The following SMYD3 variants were observed in gnomAD, a reference collection of about 807,000 sequenced individuals.
The protein encoded by SMYD3 is SET and MYND domain containing 3, also known as histone-lysine N-methyltransferase SMYD3.
Under a neutral mutation model 57.7 loss-of-function variants are expected in SMYD3, and 36 were observed. The ratio of observed to expected loss-of-function variants is 0.62; its 90% CI spans 0.48 to 0.82. The LOEUF (loss-of-function observed/expected upper bound fraction) is 0.82. Among genes scored for constraint, SMYD3 ranks in the 40% least tolerant of loss-of-function variants. The pLI, the probability that SMYD3 is intolerant of heterozygous loss-of-function variation, is 0.00. For missense variants in SMYD3, 515 were observed against 538.8 expected (o/e 0.96, Z 0.44); for synonymous variants, 211 against 195.0 (o/e 1.08, Z -0.68).
At chr1:246,129,553 C>A (rs887537244) in intron 5 of SMYD3, among the ~76,000 whole-genome samples, 2 of 152,174 alleles carry the variant, frequency 1.3e-5, no homozygotes, top group Admixed American at 1.3e-4. Flanking sequence ...CTCCTGGCAT[C>A]TTCTGCTGCA....
At chr1:245,791,908 A>T (rs2047287034) in intron 10 of SMYD3, among the ~76,000 whole-genome samples, 1 of 151,494 alleles carries the variant, frequency 6.6e-6, no homozygotes, top group Non-Finnish European at 1.5e-5. Flanking sequence ...CATGCCAATG[A>T]CAGACCATCT....
intron 5 of SMYD3, among the ~76,000 whole-genome samples, chr1:246,165,282 T>C (rs1271130570): frequency 6.6e-6 from 1 of 152,160 alleles, no homozygotes; most frequent in African/African-American, 2.4e-5. Flanking sequence ...CAGTTGTAAT[T>C]GTGAAAGGAG....
chr1:246,316,670 C>T (rs565599052), intron 5 of SMYD3, among the ~76,000 whole-genome samples: 60 of 145,170 alleles, frequency 4.1e-4, no homozygotes, highest in Admixed American at 1.0e-3. Context: ...CGTGAGCCAC[C>T]GTGGCTGGCC....
At chr1:246,329,140 A>G (rs901900556) in intron 4 of SMYD3, among the ~76,000 whole-genome samples, 8 of 152,180 alleles carry the variant, frequency 5.3e-5, no homozygotes, top group Admixed American at 1.3e-4. Flanking sequence ...GAATAGTGCC[A>G]CAATAAACAT....
chr1:246,232,316 C>T (rs910102040), intron 5 of SMYD3, among the ~76,000 whole-genome samples: 1 of 152,154 alleles, frequency 6.6e-6, no homozygotes, highest in African/African-American at 2.4e-5. Flanking sequence ...TAAAATAAAG[C>T]CCTGTAGTCC....
chr1:246,110,986 C>G (rs896015005), intron 5 of SMYD3, among the ~76,000 whole-genome samples: 7 of 152,088 alleles, frequency 4.6e-5, no homozygotes, highest in African/African-American at 1.7e-4. Context: ...CTTTCATTGT[C>G]CATAAGATAA....
At chr1:245,769,071 T>C (rs1205661196) in intron 10 of SMYD3, among the ~76,000 whole-genome samples, 1 of 152,238 alleles carries the variant, frequency 6.6e-6, no homozygotes, top group East Asian at 1.9e-4. Context: ...GCTCCAGTTG[T>C]ATGAATTTTA....
At chr1:246,102,770 T>C (rs1167753624) in intron 5 of SMYD3, among the ~76,000 whole-genome samples, 3 of 151,664 alleles carry the variant, frequency 2.0e-5, no homozygotes, top group Non-Finnish European at 4.4e-5. Flanking sequence ...ATAATAATAA[T>C]AATCCTACCT....
At chr1:246,100,996 C>T (rs533126800) in intron 5 of SMYD3, among the ~76,000 whole-genome samples, 1 of 149,880 alleles carries the variant, frequency 6.7e-6, no homozygotes, top group African/African-American at 2.4e-5. Flanking sequence ...TCAGTATCTT[C>T]CAGAAACTAG....
chr1:246,430,204 C>T (rs183296758), intron 1 of SMYD3, among the ~76,000 whole-genome samples: 84 of 152,164 alleles, frequency 5.5e-4, no homozygotes, highest in African/African-American at 1.4e-3. Context: ...ATACAAGAAA[C>T]GGAATGAAGT....
intron 5 of SMYD3, among the ~76,000 whole-genome samples, chr1:246,227,484 G>A (rs533487186): frequency 3.0e-4 from 45 of 152,168 alleles, no homozygotes; most frequent in African/African-American, 1.0e-3. Context: ...GTGTGGTGGC[G>A]GGCGCCTGAA....
At chr1:246,027,340 T>C (rs1345186793) in intron 5 of SMYD3, among the ~76,000 whole-genome samples, 3 of 152,304 alleles carry the variant, frequency 2.0e-5, no homozygotes, top group Middle Eastern at 3.4e-3. Context: ...CCGCCTTATA[T>C]TGGGATGAGA....
intron 5 of SMYD3, among the ~76,000 whole-genome samples, chr1:246,024,008 G>A (rs2059527323): frequency 6.6e-6 from 1 of 152,048 alleles, no homozygotes; most frequent in Non-Finnish European, 1.5e-5. Flanking sequence ...CTGTTAGGTG[G>A]GAGGGGATAA....
intron 11 of SMYD3, among the ~76,000 whole-genome samples, 175 bp from the exon 12 acceptor site, chr1:245,749,839 G>A (rs1418229089): frequency 6.6e-6 from 1 of 152,102 alleles, no homozygotes; most frequent in Non-Finnish European, 1.5e-5. Flanking sequence ...ACATGAAAAG[G>A]GTGATTTCTG....
At chr1:246,181,753 T>C (rs1163712859) in intron 5 of SMYD3, among the ~76,000 whole-genome samples, 1 of 152,206 alleles carries the variant, frequency 6.6e-6, no homozygotes, top group African/African-American at 2.4e-5. Context: ...CTCTGAGATA[T>C]ATTAGTACTT....
chr1:245,847,023 C>T (rs551303303), intron 10 of SMYD3, among the ~76,000 whole-genome samples: 1 of 152,348 alleles, frequency 6.6e-6, no homozygotes, highest in South Asian at 2.1e-4. Flanking sequence ...CAAGCCCCTG[C>T]TCTCTCCCTG....
At chr1:245,842,116 G>A (rs1351181186) in intron 10 of SMYD3, among the ~76,000 whole-genome samples, 1 of 152,176 alleles carries the variant, frequency 6.6e-6, no homozygotes, top group Non-Finnish European at 1.5e-5. Context: ...CTAGGTTTGT[G>A]TAAATACATT....
chr1:246,459,090 C>T (rs1232929845), intron 1 of SMYD3, among the ~76,000 whole-genome samples: 3 of 152,160 alleles, frequency 2.0e-5, no homozygotes, highest in African/African-American at 4.8e-5. Flanking sequence ...CAGACTTCCC[C>T]GTGCTGTTCT....
chr1:245,921,350 C>T (rs76844152), intron 7 of SMYD3, among the ~76,000 whole-genome samples: 7,223 of 152,144 alleles, frequency 0.047, 312 homozygotes, highest in South Asian at 0.13. Flanking sequence ...TTGGTTAACC[C>T]ACTGTTGAAA....
Sources: gnomAD v4.1 joint callset for allele counts (sites outside exome capture counted in the v4.1 genomes callset) on GRCh38, gnomAD v4.1.1 for gene constraint, MANE v1.5 for transcripts, NCBI Gene and HGNC (gene_info 2026-07-23, HGNC 2026-07-21) for gene names.